CWF19L2: variants seen among roughly 807,000 people sequenced by gnomAD.
CWF19L2 encodes CWF19 like cell cycle control factor 2, also known as CWF19-like protein 2.
In CWF19L2, 98 loss-of-function variants were observed where a neutral mutation model predicts 111.7. The observed-to-expected ratio is 0.88, with a 90% CI of 0.75 to 1.04. The LOEUF (loss-of-function observed/expected upper bound fraction) is 1.04, where lower values mean the gene tolerates loss of function less well. Ranked by LOEUF, CWF19L2 falls within the 50% of genes least tolerant of loss-of-function variation. The pLI, the probability that CWF19L2 is intolerant of heterozygous loss-of-function variation, is 0.00. For missense variants in CWF19L2, 1,101 were observed against 1,051.4 expected, an observed-to-expected ratio of 1.05 and a Z score of -0.65; for synonymous variants, 351 against 342.9, an observed-to-expected ratio of 1.02 and a Z score of -0.26.
chr11:107,386,426 C>T (rs756508453), intron 12 of CWF19L2, among the ~76,000 whole-genome samples: 2 of 152,184 alleles, frequency 1.3e-5, no homozygotes, highest in Non-Finnish European at 2.9e-5. Context: ...GTCAATTCTT[C>T]CCAAATTCAC....
At chr11:107,398,243 C>A (rs1247467662) in intron 10 of CWF19L2, among the ~76,000 whole-genome samples, 2 of 151,920 alleles carry the variant, frequency 1.3e-5, no homozygotes, top group Admixed American at 6.6e-5. Context: ...AGGGAGGGAC[C>A]AGAGAAAGGC....
chr11:107,345,212 T>C (rs191888999), intron 14 of CWF19L2, among the ~76,000 whole-genome samples: 156 of 149,836 alleles, frequency 1.0e-3, no homozygotes, highest in East Asian at 3.9e-4. Flanking sequence ...TTATAAACTT[T>C]TATTTATTAA....
rs1467082372 is a variant in CWF19L2 at position 107,329,935 on chromosome 11, G to C, written c.2524C>G (p.Pro842Ala). The C allele has an allele frequency of 6.3e-7, 1 of 1,582,668 alleles. No individual in the cohort carries two copies. Among genetic ancestry groups the C allele is most frequent in the Admixed American group, 1.8e-5 (1 of 54,296 alleles). The change falls in exon 17 of 18, where the codon CCT (proline) becomes GCT (alanine). Residue 842 changes from proline to alanine, a missense_variant. Physicochemically the swap from Pro to Ala is conservative, Grantham distance 27. Coordinates refer to ENST00000282251, the MANE Select transcript of CWF19L2 (RefSeq NM_152434.3). ...AAGCCTACCTTTCCAAAGTAATGAGGGAATTTGTGCTGATCTTCAATGACA... is the reference window on the plus strand; with the variant it reads ...AAGCCTACCTTTCCAAAGTAATGAGCGAATTTGTGCTGATCTTCAATGACA... The part of the protein sequence containing the change: ...AHVIEDQHKF[P>A]HYFGKEIIGG...
intron 4 of CWF19L2, 119 bp downstream of exon 4, chr11:107,442,820 G>GA: frequency 2.0e-6 from 1 of 494,748 alleles, no homozygotes. Context: ...GGGAGGGAGG[G>GA]GGAGGGAGGG....
At chr11:107,328,859 C>T (rs1368084800) in intron 17 of CWF19L2, among the ~76,000 whole-genome samples, 3 of 152,114 alleles carry the variant, frequency 2.0e-5, no homozygotes, top group Non-Finnish European at 4.4e-5. Flanking sequence ...AAATTCTGAA[C>T]ACTTCTCAAA....
intron 12 of CWF19L2, among the ~76,000 whole-genome samples, chr11:107,369,239 T>C (rs1450391706): frequency 7.2e-6 from 1 of 138,290 alleles, no homozygotes; most frequent in Non-Finnish European, 1.6e-5. Flanking sequence ...AAGCTCCTTG[T>C]GGTAGTCTGT....
At chr11:107,400,724 C>T (rs1860987657) in intron 10 of CWF19L2, among the ~76,000 whole-genome samples, 1 of 152,136 alleles carries the variant, frequency 6.6e-6, no homozygotes, top group Non-Finnish European at 1.5e-5. Context: ...GTGAAGCCAG[C>T]ATCACCCTAA....
At chr11:107,455,111 C>A (rs191533685) in intron 2 of CWF19L2, among the ~76,000 whole-genome samples, 67 of 151,994 alleles carry the variant, frequency 4.4e-4, no homozygotes, top group Middle Eastern at 6.8e-3. Flanking sequence ...TTACTGATGA[C>A]CACATTTAAT....
rs563412141 is a variant in CWF19L2, at chr11:107,330,569, ACTGT to A, written c.2440-554_2440-551del. 4.1e-3 allele frequency among the ~76,000 whole-genome samples: 615 copies of A among 150,922 alleles called. 6 individuals are homozygous for A. Among genetic ancestry groups the A allele is most frequent in the African/African-American group, 0.015 (597 of 41,068 alleles). ...AAAATATCTCCAGGATTAAATCCCT[ACTGT>A]CTTTTTCTCTCCCTTCCTTACTCTT... On this transcript the variant is annotated intron_variant, in intron 16 of 17. Transcript: ENST00000282251.
chr11:107,382,542 T>C (rs1860702213), intron 12 of CWF19L2, among the ~76,000 whole-genome samples: 1 of 152,178 alleles, frequency 6.6e-6, no homozygotes, highest in Non-Finnish European at 1.5e-5. Context: ...AAGGAAGAAA[T>C]TTCTTTATCC....
chr11:107,455,869 A>G lies in CWF19L2; in HGVS notation c.106-93T>C, dbSNP rs1861847359. ...ACAAAAACCTCTGTCATTTTTATAC[A>G]AAAATATCCACTCATGAATGAATGT... On this transcript the variant is annotated intron_variant, in intron 1 of 17. Coordinates refer to ENST00000282251, the MANE Select transcript of CWF19L2 (RefSeq NM_152434.3). 1.9e-5 allele frequency: 13 copies of G among 681,070 alleles called. No individual in the cohort carries two copies. The South Asian group carries it at 2.3e-4, about 12-fold the overall frequency. The allele number at this position is 681,070 out of a possible 1,614,324, so 42.2% of individuals were successfully genotyped here. A position where few individuals can be genotyped will look rare whatever the true frequency, so the allele number is the denominator to read the frequency against.
At chr11:107,337,367 TTGTGTGTGTG>T (rs5794537) in intron 14 of CWF19L2, among the ~76,000 whole-genome samples, 24,918 of 148,062 alleles carry the variant, frequency 0.17, 2,074 homozygotes, top group Middle Eastern at 0.18. Flanking sequence ...GGTGTGTGTT[TTGTGTGTGTG>T]TGTGTGTGTG....
chr11:107,351,271 G>T (rs1426367899), intron 13 of CWF19L2, among the ~76,000 whole-genome samples: 2 of 152,094 alleles, frequency 1.3e-5, no homozygotes, highest in Non-Finnish European at 2.9e-5. Context: ...ATTTAGAAAT[G>T]GACAGTAAGG....
intron 14 of CWF19L2, among the ~76,000 whole-genome samples, chr11:107,338,970 G>C (rs776205525): frequency 6.6e-6 from 1 of 152,050 alleles, no homozygotes; most frequent in Non-Finnish European, 1.5e-5. Context: ...TATGCCTCTA[G>C]GTCTTTGAGG....
At chr11:107,335,510 T>C (rs1859909303) in intron 15 of CWF19L2, among the ~76,000 whole-genome samples, 1 of 152,202 alleles carries the variant, frequency 6.6e-6, no homozygotes, top group Non-Finnish European at 1.5e-5. Flanking sequence ...AACTTAACTT[T>C]GATTGCATGC....
intron 10 of CWF19L2, among the ~76,000 whole-genome samples, chr11:107,406,206 A>C (rs1027995343): frequency 6.6e-6 from 1 of 152,226 alleles, no homozygotes; most frequent in Admixed American, 6.5e-5. Context: ...TTGGGAAATA[A>C]AGCAAAACTC....
At chr11:107,362,674 C>T (rs1249549077) in intron 12 of CWF19L2, among the ~76,000 whole-genome samples, 2 of 151,240 alleles carry the variant, frequency 1.3e-5, no homozygotes, top group African/African-American at 4.9e-5. Flanking sequence ...CCCATCTGTA[C>T]ATCACCATCA....
chr11:107,327,019 C>T lies in CWF19L2; in HGVS notation c.2576G>A (p.Arg859Lys), dbSNP rs776413963. The change falls in exon 18 of 18, where the codon AGA becomes AAA. Residue 859 changes from arginine (R) to lysine (K), a missense_variant. By Grantham distance (26) the Arg-to-Lys change is conservative (BLOSUM62 2). Coordinates refer to ENST00000282251, the MANE Select transcript of CWF19L2 (RefSeq NM_152434.3). ...IIGGMLDIEPRLWRKGIRESF... is the reference protein window; with the variant it reads ...IIGGMLDIEPKLWRKGIRESF... ...TTCTCGGATGCCTTTCCTCCAAAGT[C>T]TTGGTTCTATATCCAGCATCCCACC... 1 of 1,611,190 alleles carries T rather than the reference C, an allele frequency of 6.2e-7. No homozygotes were observed.
intron 12 of CWF19L2, among the ~76,000 whole-genome samples, chr11:107,358,798 T>C (rs1292542568): frequency 6.6e-6 from 1 of 152,158 alleles, no homozygotes; most frequent in Non-Finnish European, 1.5e-5. Context: ...GTCTTTCCAG[T>C]AAAATATTGA....
Sources: gnomAD v4.1 joint callset for allele counts (sites outside exome capture counted in the v4.1 genomes callset) on GRCh38, gnomAD v4.1.1 for gene constraint, MANE v1.5 for transcripts, NCBI Gene and HGNC (gene_info 2026-07-23, HGNC 2026-07-21) for gene names.